The following KIAA1217 variants were observed in gnomAD, a reference collection of about 807,000 sequenced individuals.
KIAA1217 encodes sickle tail protein homolog.
KIAA1217 carries 88 observed loss-of-function variants against 163.9 expected under a neutral mutation model. The ratio of observed to expected loss-of-function variants is 0.54; its 90% CI spans 0.45 to 0.64. KIAA1217 has a LOEUF of 0.64. KIAA1217 is among the 30% of genes least tolerant of loss of function. The pLI is 0.00. For missense variants in KIAA1217, 2,372 were observed against 2,475.0 expected (o/e 0.96, Z 0.88); for synonymous variants, 903 against 923.1 (o/e 0.98, Z 0.39).
chr10:24,426,630 A>T (rs751816647), intron 3 of KIAA1217, among the ~76,000 whole-genome samples: 18 of 152,192 alleles, frequency 1.2e-4, no homozygotes, highest in Non-Finnish European at 1.9e-4. Context: ...GTCTGAAAAA[A>T]AAAAGTCATG....
At chr10:24,528,191 A>T (rs2072494327) in intron 14 of KIAA1217, 72 bp downstream of exon 14, 2 of 1,237,340 alleles carry the variant, frequency 1.6e-6, no homozygotes, top group East Asian at 4.7e-5. Flanking sequence ...CATCCACGAC[A>T]GCACATACTC....
intron 2 of KIAA1217, among the ~76,000 whole-genome samples, chr10:24,187,627 A>G (rs1480826299): frequency 6.6e-6 from 1 of 152,184 alleles, no homozygotes. Flanking sequence ...GCAGTGTCTC[A>G]CGCCTATAAT....
chr10:24,117,306 G>T (rs1363630426), intron 2 of KIAA1217, among the ~76,000 whole-genome samples: 3 of 152,144 alleles, frequency 2.0e-5, no homozygotes, highest in Admixed American at 2.0e-4. Flanking sequence ...CAAAGTGCTG[G>T]GATTACAGCA....
chr10:23,836,450 G>A (rs566454876), intron 1 of KIAA1217, among the ~76,000 whole-genome samples: 427 of 151,762 alleles, frequency 2.8e-3, no homozygotes, highest in Non-Finnish European at 5.1e-3. Context: ...GAGCCAAGGA[G>A]GGAGGCCTCA....
intron 2 of KIAA1217, among the ~76,000 whole-genome samples, chr10:24,021,609 TG>T (rs1261186645): frequency 6.6e-6 from 1 of 151,858 alleles, no homozygotes; most frequent in Non-Finnish European, 1.5e-5. Context: ...AAAGTTTACA[TG>T]AAAGGCAAAA....
At chr10:24,051,856 C>T (rs1849538905) in intron 2 of KIAA1217, among the ~76,000 whole-genome samples, 1 of 152,044 alleles carries the variant, frequency 6.6e-6, no homozygotes, top group Non-Finnish European at 1.5e-5. Flanking sequence ...GATATCAGTC[C>T]TTTTTCAAAT....
At chr10:24,177,256 A>C (rs2065937883) in intron 2 of KIAA1217, among the ~76,000 whole-genome samples, 1 of 28,224 alleles carries the variant, frequency 3.5e-5, no homozygotes, top group Admixed American at 5.6e-4. Flanking sequence ...ACCTCTCACC[A>C]TCATATATAT....
intron 3 of KIAA1217, among the ~76,000 whole-genome samples, chr10:24,427,516 A>G (rs2131668800): frequency 6.6e-6 from 1 of 152,316 alleles, no homozygotes; most frequent in African/African-American, 2.4e-5. Context: ...TTTTAGGCAA[A>G]TTGCTTGGAC....
In KIAA1217 at chr10:23,790,256, C is replaced by CATATAT. The variant is rs1491149926; in HGVS notation, c.-321+95023_-321+95024insTATATA. Among the ~76,000 whole-genome samples the CATATAT allele has an allele frequency of 2.0e-4, 6 of 29,482 alleles. 2 individuals are homozygous for CATATAT. The highest frequency in any genetic ancestry group is 4.0e-4 in the African/African-American group (3 of 7,450). The allele number at this position is 29,482 out of a possible 152,430, so 19.3% of individuals were successfully genotyped here. On this transcript the variant is annotated intron_variant, in intron 1 of 18. Transcript: ENST00000376462. ...ATATGCATATGCACATATGCATATG[C>CATATAT]ACATATGCATATGCACATATGCATA...
intron 9 of KIAA1217, among the ~76,000 whole-genome samples, chr10:24,510,716 C>T (rs928868546): frequency 6.6e-6 from 1 of 152,102 alleles, no homozygotes; most frequent in Non-Finnish European, 1.5e-5. Flanking sequence ...CTTGATAGCA[C>T]GTGGCTTTGC....
rs545978396 is a variant in KIAA1217 at position 24,361,919 on chromosome 10, TTCGGGCCACTGCAAGA to T, written c.355-18936_355-18921del. 7.4e-3 allele frequency among the ~76,000 whole-genome samples: 1,082 copies of T among 145,896 alleles called. 14 individuals carry two copies. Among genetic ancestry groups the T allele is most frequent in the African/African-American group, 0.026 (1,005 of 39,190 alleles). On this transcript the variant is annotated intron_variant, in intron 2 of 20. Coordinates refer to ENST00000376454, the MANE Select transcript of KIAA1217 (RefSeq NM_019590.5). The stretch of plus-strand genomic sequence containing the variant: ...GAACCAGGGAGGCGGAGCTTGCAGG[TTCGGGCCACTGCAAGA>T]TCGGGCCACTGCACTCCAGCCTGGG...
At chr10:23,790,169 A>ATG (rs1835708274) in intron 1 of KIAA1217, among the ~76,000 whole-genome samples, 1 of 64,462 alleles carries the variant, frequency 1.6e-5, no homozygotes, top group Non-Finnish European at 2.8e-5. Context: ...ATACACATAT[A>ATG]CACATATGCA....
At chr10:23,745,723 C>T (rs894058297) in intron 1 of KIAA1217, among the ~76,000 whole-genome samples, 9 of 151,986 alleles carry the variant, frequency 5.9e-5, no homozygotes, top group East Asian at 1.9e-4. Context: ...AAAATGTGAC[C>T]GACAGGTGTG....
intron 2 of KIAA1217, among the ~76,000 whole-genome samples, chr10:24,227,022 T>C (rs1047176282): frequency 6.6e-6 from 1 of 152,170 alleles, no homozygotes; most frequent in South Asian, 2.1e-4. Flanking sequence ...ATCTACTCTG[T>C]GGTTTCAGTT....
At chr10:24,058,816 G>T (rs1189356420) in intron 2 of KIAA1217, among the ~76,000 whole-genome samples, 1 of 151,984 alleles carries the variant, frequency 6.6e-6, no homozygotes, top group Non-Finnish European at 1.5e-5. Flanking sequence ...GGTGTGTTAG[G>T]TAACGTCATC....
intron 8 of KIAA1217, 59 bp from the exon 9 acceptor site, chr10:24,501,320 T>C: frequency 6.6e-7 from 1 of 1,515,182 alleles, no homozygotes; most frequent in Admixed American, 1.8e-5. Context: ...TGGGATGGGA[T>C]GCATAGCTTA....
intron 3 of KIAA1217, among the ~76,000 whole-genome samples, chr10:24,426,819 G>C (rs75657077): frequency 6.6e-6 from 1 of 152,180 alleles, no homozygotes; most frequent in Non-Finnish European, 1.5e-5. Flanking sequence ...AATGTGCACC[G>C]TAAGAGGTCC....
chr10:24,266,353 A>T (rs1377963540), intron 2 of KIAA1217, among the ~76,000 whole-genome samples: 2 of 152,160 alleles, frequency 1.3e-5, no homozygotes, highest in Non-Finnish European at 2.9e-5. Flanking sequence ...TTCTGCAATT[A>T]CAGGCGTGAG....
At chr10:24,461,465 C>T (rs1474524676) in intron 5 of KIAA1217, among the ~76,000 whole-genome samples, 1 of 152,122 alleles carries the variant, frequency 6.6e-6, no homozygotes, top group Non-Finnish European at 1.5e-5. Flanking sequence ...AGCAATTCTC[C>T]TGCCTCAGCC....
Sources: allele counts gnomAD v4.1 joint callset (sites outside exome capture counted in the v4.1 genomes callset), GRCh38; gene constraint gnomAD v4.1.1; transcripts MANE v1.5; gene names NCBI Gene and HGNC (gene_info 2026-07-23, HGNC 2026-07-21).